The following ZBTB37 variants were observed in gnomAD, a reference collection of about 807,000 sequenced individuals.
ZBTB37 encodes zinc finger and BTB domain containing 37, also known as zinc finger and BTB domain-containing protein 37.
In ZBTB37, 15 loss-of-function variants were observed where a neutral mutation model predicts 37.7. The observed-to-expected ratio is 0.40, with a 90% CI of 0.27 to 0.61. The LOEUF is 0.61. Ranked by LOEUF, ZBTB37 falls within the 20% of genes least tolerant of loss-of-function variation. ZBTB37 has a pLI of 0.44. For synonymous variants in ZBTB37, 231 were observed against 220.6 expected, an observed-to-expected ratio of 1.05 and a Z score of -0.42; for missense variants, 514 against 641.9, an observed-to-expected ratio of 0.80 and a Z score of 2.15.
intron 4 of ZBTB37, among the ~76,000 whole-genome samples, chr1:173,884,576 G>A (rs1021639473): frequency 2.6e-5 from 4 of 152,148 alleles, no homozygotes; most frequent in Non-Finnish European, 5.9e-5. Context: ...TTAAACTTTA[G>A]TAGTCTTTAG....
exon 4 of ZBTB37, chr1:173,901,430 G>T (rs1572082335): frequency 1.4e-5 from 2 of 146,284 alleles, no homozygotes; most frequent in East Asian, 3.9e-4. Context: ...TTGAGACAGG[G>T]TCTTGATCTG....
rs781509567 is a variant in ZBTB37, at chr1:173,870,706, C to G, written c.481C>G (p.Arg161Gly). 10 of 1,614,160 alleles carry G rather than the reference C, an allele frequency of 6.2e-6. No individual in the cohort carries two copies. Among genetic ancestry groups the G allele is most frequent in the Non-Finnish European group, 8.5e-6 (10 of 1,180,044 alleles). Residue 161 changes from arginine (R) to glycine (G), a missense_variant, in exon 3 of 5, where the codon CGC becomes GGC. Coordinates refer to ENST00000427304, the Ensembl canonical transcript of ZBTB37. ...TCACAGGGTTACACCAAATCTCAAC[C>G]GCTCCCTTAGCCCACGACATAATAC... is the stretch of plus-strand genomic sequence containing the variant.
At chr1:173,899,280 A>C (rs1349792478) in exon 4 of ZBTB37, 1 of 152,148 alleles carries the variant, frequency 6.6e-6, no homozygotes, top group Admixed American at 6.5e-5. Flanking sequence ...CTGCTTAGGA[A>C]AATTTTTCCT....
exon 4 of ZBTB37, chr1:173,898,037 C>G (rs1206927452): frequency 1.3e-5 from 2 of 152,110 alleles, no homozygotes; most frequent in Non-Finnish European, 2.9e-5. Flanking sequence ...GAGGTCAAGT[C>G]TGTTTTTAAA....
chr1:173,876,094 T>A (rs2065170), intron 4 of ZBTB37, among the ~76,000 whole-genome samples: 8 of 152,034 alleles, frequency 5.3e-5, no homozygotes, highest in Admixed American at 1.3e-4. Flanking sequence ...TCTTTGCAAC[T>A]CTCCTTAGCA....
Position 173,870,745 on chromosome 1 carries a change from C to T in ZBTB37, c.520C>T (p.Arg174Trp), listed in dbSNP as rs150134837. The change falls in exon 3 of 5, where the codon CGG (arginine) becomes TGG (tryptophan). Residue 174 changes from arginine (R) to tryptophan (W), a missense_variant. Physicochemically the swap from Arg to Trp is moderately radical, Grantham distance 101 (BLOSUM62 -3). Coordinates refer to ENST00000427304, the Ensembl canonical transcript of ZBTB37. ...ACGACATAATACCCCAAAGGGAAACCGGCGAGGTCAGGTTAGTGCTGTGCT... is the reference window on the plus strand; with the variant it reads ...ACGACATAATACCCCAAAGGGAAACTGGCGAGGTCAGGTTAGTGCTGTGCT... 16 of 1,614,082 alleles carry T rather than the reference C, an allele frequency of 9.9e-6. No individual in the cohort carries two copies. Among genetic ancestry groups the T allele is most frequent in the African/African-American group, 2.7e-5 (2 of 74,930 alleles).
chr1:173,898,825 G>C (rs1657153472), exon 4 of ZBTB37: 2 of 152,170 alleles, frequency 1.3e-5, no homozygotes, highest in South Asian at 4.1e-4. Flanking sequence ...CAGCTAAGGA[G>C]GAACTGTTGG....
chr1:173,901,340 G>A (rs2102769365), exon 4 of ZBTB37: 1 of 151,266 alleles, frequency 6.6e-6, no homozygotes, highest in South Asian at 2.1e-4. Context: ...TTTGTAATCT[G>A]ATAGCAGAAC....
intron 4 of ZBTB37, among the ~76,000 whole-genome samples, chr1:173,874,633 GAGCCACTGCACCC>G (rs911183853): frequency 4.7e-4 from 71 of 152,284 alleles, no homozygotes; most frequent in African/African-American, 1.2e-3. Flanking sequence ...TTACAGGTGT[GAGCCACTGCACCC>G]AGCCACTGCA....
At chr1:173,880,795 C>T (rs1656253867) in intron 4 of ZBTB37, among the ~76,000 whole-genome samples, 2 of 152,200 alleles carry the variant, frequency 1.3e-5, no homozygotes, top group African/African-American at 4.8e-5. Context: ...TCTTCTATTG[C>T]AACTTCACTG....
intron 4 of ZBTB37, among the ~76,000 whole-genome samples, chr1:173,881,911 G>A (rs1363448694): frequency 6.6e-6 from 1 of 151,820 alleles, no homozygotes; most frequent in South Asian, 2.1e-4. Context: ...AATATTAGCC[G>A]GGTGTGGTGG....
intron 4 of ZBTB37, among the ~76,000 whole-genome samples, chr1:173,875,609 G>A (rs1655920857): frequency 6.6e-6 from 1 of 151,888 alleles, no homozygotes; most frequent in Non-Finnish European, 1.5e-5. Context: ...TTGCAGATGT[G>A]AGCCACCGCG....
At chr1:173,881,644 A>G (rs1351930788) in intron 4 of ZBTB37, among the ~76,000 whole-genome samples, 1 of 152,198 alleles carries the variant, frequency 6.6e-6, no homozygotes, top group African/African-American at 2.4e-5. Context: ...AATGATCGCC[A>G]TTCTAACTGG....
At chr1:173,902,450 G>A (rs569949568) in exon 4 of ZBTB37, 1 of 152,338 alleles carries the variant, frequency 6.6e-6, no homozygotes, top group African/African-American at 2.4e-5. Flanking sequence ...ACTAATGTTT[G>A]AGATTTGTGT....
downstream of ZBTB37, chr1:173,889,426 G>C (rs994762295): frequency 6.6e-6 from 1 of 152,212 alleles, no homozygotes; most frequent in African/African-American, 2.4e-5. Flanking sequence ...AGCAATGAGA[G>C]CTACATCATC....
At chr1:173,889,527 C>A, downstream of ZBTB37, 1 of 152,212 alleles carries the variant, frequency 6.6e-6, no homozygotes, top group Non-Finnish European at 1.5e-5. Flanking sequence ...ATCCAGTATT[C>A]TCAGCAAAGA....
intron 4 of ZBTB37, among the ~76,000 whole-genome samples, chr1:173,876,959 T>C (rs1656008174): frequency 6.6e-6 from 1 of 152,180 alleles, no homozygotes; most frequent in East Asian, 1.9e-4. Context: ...ATATATCCCG[T>C]TCCTCCTAGG....
At chr1:173,883,017 A>G (rs1656422712) in intron 4 of ZBTB37, among the ~76,000 whole-genome samples, 1 of 152,218 alleles carries the variant, frequency 6.6e-6, no homozygotes, top group Non-Finnish European at 1.5e-5. Context: ...CAGGTGAGGA[A>G]ACTGAGGAAT....
chr1:173,885,771 A>G, exon 5 of ZBTB37: 1 of 1,551,606 alleles, frequency 6.4e-7, no homozygotes, highest in Non-Finnish European at 8.7e-7. Context: ...CCAGAAGGGA[A>G]GCCTGGACCG....
Sources: gnomAD v4.1 joint callset for allele counts (sites outside exome capture counted in the v4.1 genomes callset) on GRCh38, gnomAD v4.1.1 for gene constraint, MANE v1.5 for transcripts, NCBI Gene and HGNC (gene_info 2026-07-23, HGNC 2026-07-21) for gene names.